Variants in CACNA2D3 observed in about 807,000 individuals in gnomAD.
CACNA2D3 encodes the protein calcium voltage-gated channel auxiliary subunit alpha2delta 3.
In CACNA2D3, 60 loss-of-function variants were observed where a neutral mutation model predicts 160.6. The observed-to-expected ratio is 0.37, with a 90% CI of 0.30 to 0.46. CACNA2D3 has a LOEUF of 0.46. Ranked by LOEUF, CACNA2D3 falls within the 20% of genes least tolerant of loss-of-function variation. CACNA2D3 has a pLI of 1.00. For synonymous variants in CACNA2D3, 558 were observed against 492.9 expected, an observed-to-expected ratio of 1.13 and a Z score of -1.75; for missense variants, 1,205 against 1,365.0, an observed-to-expected ratio of 0.88 and a Z score of 1.85.
At chr3:54,347,550 G>A (rs569667684) in intron 3 of CACNA2D3, among the ~76,000 whole-genome samples, 48 of 152,036 alleles carry the variant, frequency 3.2e-4, no homozygotes, top group African/African-American at 8.9e-4. Flanking sequence ...CACCCTAAAC[G>A]CAGAATCTAC....
chr3:54,555,662 C>A (rs1702231800), intron 5 of CACNA2D3, among the ~76,000 whole-genome samples: 1 of 152,206 alleles, frequency 6.6e-6, no homozygotes, highest in Non-Finnish European at 1.5e-5. Context: ...AAAAGCTGAA[C>A]ATCTGATAGA....
Position 55,009,407 on chromosome 3 carries a change from C to G in CACNA2D3, c.2839C>G (p.Leu947Val). Residue 947 changes from leucine (L) to valine (V), a missense_variant, in exon 34 of 38, where the codon CTC (leucine) becomes GTC (valine). Leu to Val is a conservative substitution (Grantham distance 32). Coordinates refer to ENST00000474759, the MANE Select transcript of CACNA2D3 (RefSeq NM_018398.3). Reference sequence around the variant, plus strand: ...GTTTAGGTTCCTGGTGGAATTTAACCTCTGCAGTTGGTGGCACTCCGATAT... The same window carrying G: ...GTTTAGGTTCCTGGTGGAATTTAACGTCTGCAGTTGGTGGCACTCCGATAT... ...ELVLFLVEFN[L>V]CSWWHSDMTA... 6.2e-7 allele frequency: 1 copy of G among 1,613,884 alleles called. No homozygotes were observed. Among genetic ancestry groups the G allele is most frequent in the Admixed American group, 1.7e-5 (1 of 60,026 alleles).
At chr3:55,002,315 T>C (rs1164173286) in intron 31 of CACNA2D3, among the ~76,000 whole-genome samples, 2 of 152,188 alleles carry the variant, frequency 1.3e-5, no homozygotes, top group Non-Finnish European at 2.9e-5. Context: ...GTTTTAGGTG[T>C]AGAGACAGCA....
intron 4 of CACNA2D3, among the ~76,000 whole-genome samples, chr3:54,484,307 G>A (rs774631107): frequency 2.0e-5 from 3 of 151,920 alleles, no homozygotes; most frequent in Non-Finnish European, 4.4e-5. Context: ...CCCTCCCCGC[G>A]GACTGTATCA....
intron 4 of CACNA2D3, among the ~76,000 whole-genome samples, chr3:54,407,580 A>C (rs1699599311): frequency 6.6e-6 from 1 of 152,136 alleles, no homozygotes; most frequent in Non-Finnish European, 1.5e-5. Flanking sequence ...GCTACTTCTC[A>C]GTTGTTACAC....
At chr3:54,909,178 G>A (rs1700507616) in intron 27 of CACNA2D3, among the ~76,000 whole-genome samples, 3 of 152,112 alleles carry the variant, frequency 2.0e-5, no homozygotes, top group Admixed American at 6.6e-5. Flanking sequence ...AAAAATATAT[G>A]TTTTCATTGT....
At chr3:55,063,304 G>A (rs781634153) in intron 35 of CACNA2D3, among the ~76,000 whole-genome samples, 7 of 151,600 alleles carry the variant, frequency 4.6e-5, no homozygotes, top group African/African-American at 7.3e-5. Flanking sequence ...CAGGTCATCC[G>A]TAAGCATACT....
At chr3:54,580,000 G>C (rs774581303) in intron 8 of CACNA2D3, among the ~76,000 whole-genome samples, 5 of 152,126 alleles carry the variant, frequency 3.3e-5, no homozygotes, top group Non-Finnish European at 7.3e-5. Context: ...TGGAGGTTTG[G>C]GGGCCAGAGA....
intron 4 of CACNA2D3, among the ~76,000 whole-genome samples, chr3:54,483,232 T>C (rs536841367): frequency 6.6e-6 from 1 of 152,338 alleles, no homozygotes; most frequent in Non-Finnish European, 1.5e-5. Flanking sequence ...GCTTGTTGCG[T>C]AAGTCTAAAT....
At chr3:54,884,940 A>G (rs1453502360) in intron 21 of CACNA2D3, among the ~76,000 whole-genome samples, 2 of 152,178 alleles carry the variant, frequency 1.3e-5, no homozygotes, top group Non-Finnish European at 2.9e-5. Flanking sequence ...AACTTAGACT[A>G]AATGGAGCAC....
intron 2 of CACNA2D3, among the ~76,000 whole-genome samples, chr3:54,297,771 T>G (rs1213449960): frequency 6.8e-6 from 1 of 148,044 alleles, no homozygotes; most frequent in Non-Finnish European, 1.5e-5. Flanking sequence ...TTTCCTGACC[T>G]CCCTAGGCAG....
At position 55,008,886 on chromosome 3, in the gene CACNA2D3, T is replaced by TACACACGCACAC. The variant is rs1491125549; in HGVS notation, c.2820-501_2820-500insCACACGCACACA. ...GAGAGAAGTCTGTTCCACCTCCCTC[T>TACACACGCACAC]ATACACACACACACACACACACACA... On this transcript the variant is annotated intron_variant, in intron 33 of 37. Transcript: ENST00000474759. Among the ~76,000 whole-genome samples, 385 of 53,350 alleles carry TACACACGCACAC rather than the reference T, an allele frequency of 7.2e-3. 3 individuals carry two copies. The highest frequency in any genetic ancestry group is 0.027 in the African/African-American group (365 of 13,358). The allele number at this position is 53,350 out of a possible 152,430, so 35.0% of individuals were successfully genotyped here. A position where few individuals can be genotyped will look rare whatever the true frequency, so the allele number is the denominator to read the frequency against.
intron 2 of CACNA2D3, chr3:54,273,197 AG>A (rs1466035223): frequency 2.0e-5 from 3 of 152,262 alleles, no homozygotes; most frequent in Non-Finnish European, 4.4e-5. Flanking sequence ...GAATGTGTGA[AG>A]GCCCAGGGTT....
At chr3:55,056,590 G>A (rs1222320423) in intron 35 of CACNA2D3, among the ~76,000 whole-genome samples, 2 of 152,176 alleles carry the variant, frequency 1.3e-5, no homozygotes, top group Admixed American at 1.3e-4. Context: ...TAAGGAAAAT[G>A]CAGTATAAGC....
chr3:54,745,554 C>T (rs889333739), intron 11 of CACNA2D3, among the ~76,000 whole-genome samples: 1 of 152,158 alleles, frequency 6.6e-6, no homozygotes, highest in African/African-American at 2.4e-5. Flanking sequence ...ATACACTGGC[C>T]CTGTCCTCTG....
At chr3:54,202,918 G>A (rs984893423) in intron 2 of CACNA2D3, among the ~76,000 whole-genome samples, 1 of 152,174 alleles carries the variant, frequency 6.6e-6, no homozygotes, top group Non-Finnish European at 1.5e-5. Context: ...AGGGGAGAGT[G>A]TATGTTAAGT....
chr3:54,509,429 G>T (rs1163953029), intron 5 of CACNA2D3, among the ~76,000 whole-genome samples: 1 of 152,084 alleles, frequency 6.6e-6, no homozygotes, highest in Non-Finnish European at 1.5e-5. Context: ...CTGAACTAAA[G>T]CATTTGGATT....
At chr3:54,919,435 A>G (rs1472811036) in intron 27 of CACNA2D3, among the ~76,000 whole-genome samples, 3 of 152,238 alleles carry the variant, frequency 2.0e-5, no homozygotes, top group Non-Finnish European at 4.4e-5. Context: ...TGTGGATTTG[A>G]CAATACTGGA....
chr3:54,817,612 G>T (rs1253528400), intron 14 of CACNA2D3, among the ~76,000 whole-genome samples: 1 of 152,222 alleles, frequency 6.6e-6, no homozygotes, highest in Non-Finnish European at 1.5e-5. Context: ...CTGGGGGCCA[G>T]ATGTTGTGTT....
Sources: gnomAD v4.1 joint callset for allele counts (sites outside exome capture counted in the v4.1 genomes callset) on GRCh38, gnomAD v4.1.1 for gene constraint, MANE v1.5 for transcripts, NCBI Gene and HGNC (gene_info 2026-07-23, HGNC 2026-07-21) for gene names.